NKAIN2: variants seen among roughly 807,000 people sequenced by gnomAD.
The protein encoded by NKAIN2 is sodium/potassium transporting ATPase interacting 2, also known as sodium/potassium-transporting ATPase subunit beta-1-interacting protein 2.
In NKAIN2, 14 loss-of-function variants were observed where a neutral mutation model predicts 32.6. The observed-to-expected ratio is 0.43, with a 90% CI of 0.28 to 0.67. The LOEUF is 0.67. NKAIN2 is among the 30% of genes least tolerant of loss of function. NKAIN2 has a pLI of 0.17. For missense variants in NKAIN2, 198 were observed against 258.3 expected, an observed-to-expected ratio of 0.77 and a Z score of 1.60; for synonymous variants, 80 against 87.2, an observed-to-expected ratio of 0.92 and a Z score of 0.46.
intron 3 of NKAIN2, among the ~76,000 whole-genome samples, chr6:124,363,916 T>C (rs767477862): frequency 1.3e-5 from 2 of 152,046 alleles, no homozygotes; most frequent in Non-Finnish European, 2.9e-5. Context: ...AGATACACAA[T>C]TGAAATAGAC....
At chr6:124,102,809 G>A (rs1784953344) in intron 1 of NKAIN2, among the ~76,000 whole-genome samples, 1 of 152,150 alleles carries the variant, frequency 6.6e-6, no homozygotes, top group African/African-American at 2.4e-5. Context: ...GTCTCTAAAT[G>A]TTTCAAATAT....
chr6:124,806,438 C>T (rs1780566608), intron 5 of NKAIN2, among the ~76,000 whole-genome samples: 1 of 152,012 alleles, frequency 6.6e-6, no homozygotes, highest in African/African-American at 2.4e-5. Context: ...CAAGCAAATG[C>T]TGAGAGATTT....
rs78392332 is a variant in NKAIN2 at position 124,387,516 on chromosome 6, A to G, written c.273+32169A>G. On this transcript the variant is annotated intron_variant, in intron 3 of 6. Coordinates refer to ENST00000368417, the MANE Select transcript of NKAIN2 (RefSeq NM_001040214.3). The stretch of plus-strand genomic sequence containing the variant: ...TTATCTATCATTTTATGTCCAGAAA[A>G]CAACAGCATTAGGTGAAGCTTGAAA... 4.6e-3 allele frequency among the ~76,000 whole-genome samples: 705 copies of G among 152,218 alleles called. 2 individuals are homozygous for G. Among genetic ancestry groups the G allele is most frequent in the African/African-American group, 0.016 (685 of 41,566 alleles).
chr6:124,678,193 T>C lies in NKAIN2; in HGVS notation c.474+19807T>C, dbSNP rs574190475. On this transcript the variant is annotated intron_variant, in intron 4 of 6. Coordinates refer to ENST00000368417, the MANE Select transcript of NKAIN2 (RefSeq NM_001040214.3). ...ATTATCATGTGTCTCAATGTGGATT[T>C]ATTTACATTAATTGTAGTTGGAACT... is the stretch of plus-strand genomic sequence containing the variant. Among the ~76,000 whole-genome samples, 14 of 152,292 alleles carry C rather than the reference T, an allele frequency of 9.2e-5. No individual in the cohort carries two copies. In the South Asian group the frequency reaches 2.9e-3, roughly 32 times the overall value.
At chr6:124,249,974 G>T (rs1028374719) in intron 1 of NKAIN2, among the ~76,000 whole-genome samples, 4 of 152,112 alleles carry the variant, frequency 2.6e-5, no homozygotes, top group Non-Finnish European at 4.4e-5. Context: ...AGGGGGACAG[G>T]TGTATTTTGA....
chr6:123,817,212 T>A (rs1207637554), intron 1 of NKAIN2, among the ~76,000 whole-genome samples: 1 of 152,146 alleles, frequency 6.6e-6, no homozygotes, highest in Non-Finnish European at 1.5e-5. Context: ...GCAAAGCATT[T>A]TTCTCAATGT....
chr6:124,290,290 T>A (rs1472135346), intron 2 of NKAIN2, among the ~76,000 whole-genome samples: 2 of 152,292 alleles, frequency 1.3e-5, no homozygotes, highest in South Asian at 2.1e-4. Flanking sequence ...TAGATTCACT[T>A]TTTTAAATCA....
intron 2 of NKAIN2, among the ~76,000 whole-genome samples, chr6:124,302,867 A>C (rs1796346699): frequency 6.6e-6 from 1 of 152,216 alleles, no homozygotes; most frequent in Non-Finnish European, 1.5e-5. Flanking sequence ...TCCCAGGCAG[A>C]AAACAATCTA....
At chr6:123,994,146 G>A (rs1017570592) in intron 1 of NKAIN2, among the ~76,000 whole-genome samples, 14 of 151,768 alleles carry the variant, frequency 9.2e-5, no homozygotes, top group African/African-American at 2.2e-4. Context: ...CTGCCCACAG[G>A]CCTCCCTAAA....
At chr6:124,743,148 T>C (rs560452732) in intron 4 of NKAIN2, among the ~76,000 whole-genome samples, 1 of 151,896 alleles carries the variant, frequency 6.6e-6, no homozygotes, top group Admixed American at 6.6e-5. Flanking sequence ...GGACAAACTG[T>C]ATCTCTGCCC....
chr6:123,829,921 G>A (rs887789773), intron 1 of NKAIN2, among the ~76,000 whole-genome samples: 1 of 152,078 alleles, frequency 6.6e-6, no homozygotes, highest in Non-Finnish European at 1.5e-5. Flanking sequence ...CATAAGCTGG[G>A]GACATGTATA....
chr6:124,283,891 T>G lies in NKAIN2; in HGVS notation c.192+749T>G, dbSNP rs1013257235. 3.9e-5 allele frequency among the ~76,000 whole-genome samples: 6 copies of G among 152,188 alleles called. No individual in the cohort carries two copies. The South Asian group carries it at 1.2e-3, about 32-fold the overall frequency. On this transcript the variant is annotated intron_variant, in intron 2 of 6. Coordinates refer to ENST00000368417, the MANE Select transcript of NKAIN2 (RefSeq NM_001040214.3). ...AATGTCTATAGGCATTTATTTAAAATTGTAAAGCAGGTTTGTAGTAAAAGC... is the reference window on the plus strand; with the variant it reads ...AATGTCTATAGGCATTTATTTAAAAGTGTAAAGCAGGTTTGTAGTAAAAGC...
At chr6:124,337,649 C>T (rs1376412170) in intron 2 of NKAIN2, among the ~76,000 whole-genome samples, 11 of 152,204 alleles carry the variant, frequency 7.2e-5, no homozygotes, top group Non-Finnish European at 1.6e-4. Context: ...TTAATTGGAT[C>T]AGCCACATGA....
Position 124,770,795 on chromosome 6 carries a change from A to T in NKAIN2, c.475-20544A>T, listed in dbSNP as rs369919274. Among the ~76,000 whole-genome samples, 226 of 152,212 alleles carry T rather than the reference A, an allele frequency of 1.5e-3. 1 individual carries two copies. In the South Asian group the frequency reaches 0.018, roughly 12 times the overall value. ...GTGACAGGTACTTTTGCACTAGCCC[A>T]ATGATTCTTACTTGTTTTCTATCTG... On this transcript the variant is annotated intron_variant, in intron 4 of 6. Transcript: ENST00000368417.
At chr6:124,130,128 G>A (rs62435628) in intron 1 of NKAIN2, among the ~76,000 whole-genome samples, 2,574 of 152,194 alleles carry the variant, frequency 0.017, 37 homozygotes, top group Non-Finnish European at 0.026. Context: ...AAGTAGCTGC[G>A]GTTAGGATAA....
intron 5 of NKAIN2, among the ~76,000 whole-genome samples, chr6:124,805,879 A>C (rs1780525681): frequency 6.6e-6 from 1 of 152,246 alleles, no homozygotes; most frequent in Admixed American, 6.5e-5. Context: ...AACTGGAAGA[A>C]AGGGTATCAG....
At chr6:123,821,834 G>T (rs928529) in intron 1 of NKAIN2, among the ~76,000 whole-genome samples, 41,761 of 152,058 alleles carry the variant, frequency 0.27, 8,201 homozygotes, top group East Asian at 0.53. Flanking sequence ...CTAAGAAGAT[G>T]TCAAATATTT....
intron 1 of NKAIN2, among the ~76,000 whole-genome samples, chr6:124,079,554 A>G (rs1395378536): frequency 6.6e-6 from 1 of 152,162 alleles, no homozygotes; most frequent in Non-Finnish European, 1.5e-5. Context: ...TATAACTTTA[A>G]AAGTATTTAT....
intron 1 of NKAIN2, among the ~76,000 whole-genome samples, chr6:124,127,615 G>A (rs1786240660): frequency 1.3e-5 from 2 of 152,228 alleles, no homozygotes; most frequent in Admixed American, 1.3e-4. Context: ...GAGGCTGATG[G>A]TTTGGTGAGC....
Sources: gnomAD v4.1 joint callset for allele counts (sites outside exome capture counted in the v4.1 genomes callset) on GRCh38, gnomAD v4.1.1 for gene constraint, MANE v1.5 for transcripts, NCBI Gene and HGNC (gene_info 2026-07-23, HGNC 2026-07-21) for gene names.